The following MTHFD1L variants were observed in gnomAD, a reference collection of about 807,000 sequenced individuals.
The protein encoded by MTHFD1L is monofunctional C1-tetrahydrofolate synthase, mitochondrial.
A neutral mutation model predicts 119.5 loss-of-function variants in MTHFD1L; 81 were observed. The observed-to-expected ratio is 0.68, with a 90% CI of 0.57 to 0.82. MTHFD1L has a LOEUF of 0.82. Ranked by LOEUF, MTHFD1L falls within the 40% of genes least tolerant of loss-of-function variation. The pLI, the probability that MTHFD1L is intolerant of heterozygous loss-of-function variation, is 0.00. For synonymous variants in MTHFD1L, 430 were observed against 475.2 expected, an observed-to-expected ratio of 0.90 and a Z score of 1.24; for missense variants, 1,125 against 1,253.4, an observed-to-expected ratio of 0.90 and a Z score of 1.55.
intron 20 of MTHFD1L, among the ~76,000 whole-genome samples, chr6:151,003,156 G>C (rs1780852354): frequency 6.6e-6 from 1 of 152,088 alleles, no homozygotes; most frequent in Non-Finnish European, 1.5e-5. Context: ...AAATTTACCT[G>C]GATCCAGGTA....
intron 10 of MTHFD1L, among the ~76,000 whole-genome samples, chr6:150,922,702 GGT>G (rs1789190666): frequency 6.8e-6 from 1 of 147,468 alleles, no homozygotes. Context: ...AGAGTGCAAT[GGT>G]GCGATCTCGG....
At chr6:150,912,665 C>T (rs1787116477) in intron 8 of MTHFD1L, 2 of 503,692 alleles carry the variant, frequency 4.0e-6, no homozygotes, top group African/African-American at 3.9e-5. Flanking sequence ...TTTCTTTTTG[C>T]AGAAAGTTTG....
At chr6:151,045,717 C>G (rs185580464) in intron 26 of MTHFD1L, among the ~76,000 whole-genome samples, 1 of 152,300 alleles carries the variant, frequency 6.6e-6, no homozygotes, top group Admixed American at 6.5e-5. Flanking sequence ...AGCATGAGTC[C>G]TTTTCCCCAG....
chr6:151,013,730 G>A (rs1562538120), intron 21 of MTHFD1L, 49 bp from the exon 22 acceptor site: 1 of 1,504,762 alleles, frequency 6.6e-7, no homozygotes, highest in Non-Finnish European at 9.2e-7. Context: ...GATCGGTTGT[G>A]TAAGCATTTT....
chr6:150,905,350 A>G (rs573019687), intron 7 of MTHFD1L, among the ~76,000 whole-genome samples: 12 of 151,958 alleles, frequency 7.9e-5, no homozygotes, highest in African/African-American at 2.7e-4. Flanking sequence ...CTTTTTCTTG[A>G]TATTATAGTT....
intron 19 of MTHFD1L, among the ~76,000 whole-genome samples, chr6:150,970,130 A>T (rs1179849520): frequency 1.3e-5 from 2 of 152,206 alleles, no homozygotes; most frequent in African/African-American, 2.4e-5. Flanking sequence ...CAAGGGCCAC[A>T]TCCTTACAGG....
chr6:151,068,791 CT>C (rs1791601496), intron 26 of MTHFD1L, among the ~76,000 whole-genome samples: 2 of 152,146 alleles, frequency 1.3e-5, no homozygotes, highest in Non-Finnish European at 2.9e-5. Flanking sequence ...TAGGCACGAA[CT>C]TTACCATTTT....
chr6:150,927,654 A>AT (rs965320745), intron 11 of MTHFD1L, among the ~76,000 whole-genome samples: 2 of 151,852 alleles, frequency 1.3e-5, no homozygotes, highest in African/African-American at 4.8e-5. Flanking sequence ...ATGGGGTTTC[A>AT]CCATGTTGGC....
At chr6:150,907,151 G>A (rs712208) in intron 8 of MTHFD1L, among the ~76,000 whole-genome samples, 30,931 of 151,942 alleles carry the variant, frequency 0.2, 3,968 homozygotes, top group East Asian at 0.61. Flanking sequence ...TTTACTTGCT[G>A]TGTTTTATTA....
intron 7 of MTHFD1L, among the ~76,000 whole-genome samples, chr6:150,896,310 G>C (rs1433935113): frequency 6.6e-6 from 1 of 152,222 alleles, no homozygotes; most frequent in Non-Finnish European, 1.5e-5. Flanking sequence ...ATGAGCTGAA[G>C]TAGAGTGAAT....
intron 26 of MTHFD1L, among the ~76,000 whole-genome samples, chr6:151,075,132 ATAG>A (rs1792361205): frequency 6.6e-6 from 1 of 152,192 alleles, no homozygotes; most frequent in Non-Finnish European, 1.5e-5. Flanking sequence ...GAATAGCAAA[ATAG>A]TAGATTTAAA....
chr6:151,099,526 T>C, intron 27 of MTHFD1L: 1 of 1,599,424 alleles, frequency 6.3e-7, no homozygotes, highest in Non-Finnish European at 8.5e-7. Flanking sequence ...CCTCGGCATC[T>C]TGGCCGCCCT....
rs12201472 is a variant in MTHFD1L at position 150,926,731 on chromosome 6, C to T, written c.1256+436C>T. 0.11 allele frequency among the ~76,000 whole-genome samples: 16,134 copies of T among 152,108 alleles called. 991 individuals carry two copies. The highest frequency in any genetic ancestry group is 0.19 in the Admixed American group (2,892 of 15,288). ...TTCCTGTTAATATCCTTGATCTTAC[C>T]TACATATTCACATTTCAAAAGCTCA... On this transcript the variant is annotated intron_variant, in intron 11 of 27. Coordinates refer to ENST00000367321, the MANE Select transcript of MTHFD1L (RefSeq NM_015440.5). This position sits in a 1 kb window ranked among gnomAD's most constrained non-coding sequence, Gnocchi z 4.3.
chr6:150,999,242 T>A (rs1344393179), intron 20 of MTHFD1L, among the ~76,000 whole-genome samples: 4 of 152,226 alleles, frequency 2.6e-5, no homozygotes, highest in African/African-American at 9.6e-5. Flanking sequence ...CTTCTTTCCC[T>A]TTTGGGTTTG....
chr6:150,977,865 T>C (rs895393949), intron 20 of MTHFD1L, among the ~76,000 whole-genome samples: 3 of 151,870 alleles, frequency 2.0e-5, no homozygotes, highest in African/African-American at 7.3e-5. Context: ...CATAATTAAA[T>C]ATAGGTTCGT....
chr6:151,069,483 T>C (rs959298731), intron 26 of MTHFD1L, among the ~76,000 whole-genome samples: 1 of 152,118 alleles, frequency 6.6e-6, no homozygotes, highest in Admixed American at 6.5e-5. Context: ...CACCCCTCCT[T>C]ACCCTTGACC....
intron 7 of MTHFD1L, among the ~76,000 whole-genome samples, chr6:150,898,346 A>C (rs1784578017): frequency 6.6e-6 from 1 of 152,138 alleles, no homozygotes; most frequent in Non-Finnish European, 1.5e-5. Flanking sequence ...ACTTGAACGC[A>C]GGTCGCAGGA....
At chr6:150,985,818 C>T (rs1778225207) in intron 20 of MTHFD1L, among the ~76,000 whole-genome samples, 1 of 152,150 alleles carries the variant, frequency 6.6e-6, no homozygotes, top group Admixed American at 6.5e-5. Context: ...CGTGCCATTT[C>T]CGTGCCTTTC....
chr6:150,865,721 C>CCCTCCG lies in MTHFD1L; in HGVS notation c.-100_-99insTCCGCC. ...GACGAGGAGGAAGCGCCAGGTCCTT[C>CCCTCCG]CCGCCGCCGCCGCCGCCGCCGCCGC... On this transcript the variant is annotated 5_prime_UTR_variant, in exon 1 of 28. Coordinates refer to ENST00000367321, the MANE Select transcript of MTHFD1L (RefSeq NM_015440.5). The CCCTCCG allele has an allele frequency of 1.0e-6, 1 of 967,252 alleles. No individual in the cohort carries two copies. The highest frequency in any genetic ancestry group is 1.3e-6 in the Non-Finnish European group (1 of 780,418). 59.9% of individuals were successfully genotyped at this position (967,252 alleles called of 1,614,324 possible).
Sources: gnomAD v4.1 joint callset for allele counts (sites outside exome capture counted in the v4.1 genomes callset) on GRCh38, gnomAD v4.1.1 for gene constraint, Gnocchi (gnomAD v3.1) non-coding constraint, MANE v1.5 for transcripts, NCBI Gene and HGNC (gene_info 2026-07-23, HGNC 2026-07-21) for gene names.